Variants in MANF observed in about 807,000 individuals in gnomAD.
The protein encoded by MANF is mesencephalic astrocyte derived neurotrophic factor.
A neutral mutation model predicts 19.1 loss-of-function variants in MANF; 9 were observed. The ratio of observed to expected loss-of-function variants is 0.47; its 90% CI spans 0.28 to 0.82. The LOEUF is 0.82. MANF is among the 40% of genes least tolerant of loss of function. MANF has a pLI of 0.10. For missense variants in MANF, 225 were observed against 226.7 expected (o/e 0.99, Z 0.05); for synonymous variants, 89 against 88.0 (o/e 1.01, Z -0.06).
chr3:51,387,048 T>C (rs1201080025), intron 2 of MANF: 2 of 427,220 alleles, frequency 4.7e-6, no homozygotes, highest in Non-Finnish European at 9.5e-6. Context: ...GTGGGCCAGG[T>C]GCGGTGGCTC....
chr3:51,386,111 C>A, intron 1 of MANF, 97 bp from the exon 2 acceptor site: 1 of 1,309,584 alleles, frequency 7.6e-7, no homozygotes, highest in Non-Finnish European at 1.1e-6. Flanking sequence ...AATGATTCAT[C>A]TCCGTGTCTC....
intron 3 of MANF, 73 bp from the exon 4 acceptor site, chr3:51,388,832 G>A: frequency 8.4e-7 from 1 of 1,189,492 alleles, no homozygotes; most frequent in Non-Finnish European, 1.2e-6. Context: ...TTCAGGGAGT[G>A]ACATACTCTG....
chr3:51,386,308 G>C lies in MANF; in HGVS notation c.195G>C (p.Arg65=). ...AAAACGAACTTATAAAGTTCTGCCG[G>C]GAAGCAAGAGGCAAAGAGAATCGGT... ...TIENELIKFC[R]EARGKENRLC... is the part of the protein sequence containing the mutation. Residue 65 remains arginine, a synonymous_variant, in exon 2 of 4, where the codon CGG becomes CGC. Transcript: ENST00000528157. 1 of 1,613,914 alleles carries C rather than the reference G, an allele frequency of 6.2e-7. No individual in the cohort carries two copies. Among genetic ancestry groups the C allele is most frequent in the Non-Finnish European group, 8.5e-7 (1 of 1,179,852 alleles).
intron 1 of MANF, 155 bp downstream of exon 1, chr3:51,385,591 C>T: frequency 2.5e-6 from 1 of 406,586 alleles, no homozygotes; most frequent in East Asian, 3.7e-5. Context: ...TGAGGAGGCT[C>T]CGGCGCCCGC....
rs1553621164 is a variant in MANF at position 51,388,995 on chromosome 3, A to G, written c.455A>G (p.Lys152Arg). 2 of 1,609,010 alleles carry G rather than the reference A, an allele frequency of 1.2e-6. No individual in the cohort carries two copies. The highest frequency in any genetic ancestry group is 1.3e-5 in the African/African-American group (1 of 74,828). The stretch of plus-strand genomic sequence containing the variant: ...CTGGATGACTGGGGGGAGACATGCA[A>G]AGGCTGTGCAGAAAAGTCTGACTAC... The part of the protein sequence containing the change: ...KILDDWGETC[K>R]GCAEKSDYIR... The change falls in exon 4 of 4, where the codon AAA (lysine) becomes AGA (arginine). Residue 152 changes from lysine (K) to arginine (R), a missense_variant. By Grantham distance (26) the Lys-to-Arg change is conservative. Transcript: ENST00000528157.
rs1160669988 is a variant in MANF at position 51,387,577 on chromosome 3, A to T, written c.223-160A>T. The T allele has an allele frequency of 2.1e-5, 13 of 618,362 alleles. No homozygotes were observed. The Admixed American group carries it at 3.6e-4, about 17-fold the overall frequency. The allele number at this position is 618,362 out of a possible 1,614,324, so 38.3% of individuals were successfully genotyped here. A position where few individuals can be genotyped will look rare whatever the true frequency, so the allele number is the denominator to read the frequency against. On this transcript the variant is annotated intron_variant, in intron 2 of 3. Coordinates refer to ENST00000528157, the MANE Select transcript of MANF (RefSeq NM_006010.6). ...CACCCAACAGATTGAAGCTGCAGGG[A>T]GCCGTGATCATGCCACTGCATTCCA...
rs192358306 is a variant in MANF at position 51,386,246 on chromosome 3, A to G, written c.133A>G (p.Lys45Glu). ...TCTGGGAAGATTTTACCAGGACCTCAAAGACAGAGATGTCACATTCTCACC... is the reference window on the plus strand; with the variant it reads ...TCTGGGAAGATTTTACCAGGACCTCGAAGACAGAGATGTCACATTCTCACC... ...SYLGRFYQDL[K>E]DRDVTFSPAT... Residue 45 changes from lysine to glutamate, a missense_variant, in exon 2 of 4, where the codon AAA (lysine) becomes GAA (glutamate). Transcript: ENST00000528157. The G allele has an allele frequency of 7.3e-5, 118 of 1,613,804 alleles. No homozygotes were observed. Among genetic ancestry groups the G allele is most frequent in the Middle Eastern group, 3.3e-4 (2 of 6,062 alleles).
intron 1 of MANF, 76 bp downstream of exon 1, chr3:51,385,512 C>G (rs927515941): frequency 2.1e-4 from 53 of 254,818 alleles, no homozygotes; most frequent in Non-Finnish European, 2.9e-4. Flanking sequence ...CATCACCAGA[C>G]GGCCGGGGCC....
At chr3:51,387,987 G>A in intron 3 of MANF, 109 bp downstream of exon 3, 1 of 1,104,462 alleles carries the variant, frequency 9.1e-7, no homozygotes, top group South Asian at 1.4e-5. Flanking sequence ...TGTATTGTAT[G>A]ACAGATGGTG....
chr3:51,387,236 C>T (rs2088971469), intron 2 of MANF, among the ~76,000 whole-genome samples: 1 of 152,212 alleles, frequency 6.6e-6, no homozygotes. Context: ...GGGTGGATCA[C>T]CTGAGGTCAG....
intron 2 of MANF, chr3:51,387,067 C>G (rs1285430627): frequency 1.6e-5 from 6 of 386,614 alleles, no homozygotes; most frequent in Non-Finnish European, 3.1e-5. Context: ...TCATGCCTGT[C>G]TTCCTAGCAC....
chr3:51,386,183 C>T (rs781930910), intron 1 of MANF, 25 bp from the exon 2 acceptor site: 2 of 1,611,740 alleles, frequency 1.2e-6, no homozygotes, highest in Admixed American at 3.3e-5. Flanking sequence ...GATTGCTGAG[C>T]ATCTCCCGTC....
chr3:51,387,129 C>T lies in MANF; in HGVS notation c.223-608C>T, dbSNP rs1178552539. The T allele has an allele frequency of 1.5e-5, 5 of 340,396 alleles. No individual in the cohort carries two copies. In the East Asian group the frequency reaches 3.9e-4, roughly 27 times the overall value. The allele number at this position is 340,396 out of a possible 1,614,324, so 21.1% of individuals were successfully genotyped here. A position where few individuals can be genotyped will look rare whatever the true frequency, so the allele number is the denominator to read the frequency against. ...CTTGAACTTAGGAGTTTGAGATCAG[C>T]CTGGGCAAAGTGGTGAAATCCTGTC... is the stretch of plus-strand genomic sequence containing the variant. On this transcript the variant is annotated intron_variant, in intron 2 of 3. Transcript: ENST00000528157.
rs1201027448 is a variant in MANF, at chr3:51,386,441, G to A, written c.222+106G>A. On this transcript the variant is annotated intron_variant, in intron 2 of 3. Transcript: ENST00000528157. ...GCCCACCTCTCTGTTCAGGAAGCCA[G>A]CTACTCTCTCCATAAACTAATGTGA... The A allele has an allele frequency of 4.0e-6, 5 of 1,255,064 alleles. No individual in the cohort carries two copies. The African/African-American group carries it at 7.5e-5, about 19-fold the overall frequency. The allele number at this position is 1,255,064 out of a possible 1,614,324, so 77.7% of individuals were successfully genotyped here. A position where few individuals can be genotyped will look rare whatever the true frequency, so the allele number is the denominator to read the frequency against.
In MANF at chr3:51,387,950, AATG is replaced by A; in HGVS notation, c.364+77_364+79del. On this transcript the variant is annotated intron_variant, in intron 3 of 3. Transcript: ENST00000528157. Reference sequence around the variant, plus strand: ...GTTTGTTTCCCATCTGGGAGAGGAAAATGATGAGCTAGAGTCATGAGTGGGTTG... The same window carrying A: ...GTTTGTTTCCCATCTGGGAGAGGAAAATGAGCTAGAGTCATGAGTGGGTTG... 4 of 1,476,640 alleles carry A rather than the reference AATG, an allele frequency of 2.7e-6. No homozygotes were observed. In the South Asian group the frequency reaches 4.7e-5, roughly 17 times the overall value. 91.5% of individuals were successfully genotyped at this position (1,476,640 alleles called of 1,614,324 possible).
Position 51,385,331 on chromosome 3 carries a change from A to C in MANF, c.-12A>C. 1 of 1,096,524 alleles carries C rather than the reference A, an allele frequency of 9.1e-7. No individual in the cohort carries two copies. The highest frequency in any genetic ancestry group is 1.2e-6 in the Non-Finnish European group (1 of 866,666). 67.9% of individuals were successfully genotyped at this position (1,096,524 alleles called of 1,614,324 possible). A position where few individuals can be genotyped will look rare whatever the true frequency, so the allele number is the denominator to read the frequency against. On this transcript the variant is annotated 5_prime_UTR_variant, in exon 1 of 4. Transcript: ENST00000528157. ...GCAGCGGAGGAGGAGGAGGAGGAGG[A>C]GGATGAGGAGGATGAGGAGGATGTG...
Position 51,386,277 on chromosome 3 carries a change from C to A in MANF, c.164C>A (p.Thr55Asn). 6.2e-7 allele frequency: 1 copy of A among 1,613,894 alleles called. No homozygotes were observed. Among genetic ancestry groups the A allele is most frequent in the South Asian group, 1.1e-5 (1 of 91,078 alleles). Residue 55 changes from threonine to asparagine, a missense_variant, in exon 2 of 4, where the codon ACT (threonine) becomes AAT (asparagine). By Grantham distance (65) the Thr-to-Asn change is moderately conservative (BLOSUM62 0). Coordinates refer to ENST00000528157, the MANE Select transcript of MANF (RefSeq NM_006010.6). ...AGAGATGTCACATTCTCACCAGCCACTATTGAAAACGAACTTATAAAGTTC... is the reference window on the plus strand; with the variant it reads ...AGAGATGTCACATTCTCACCAGCCAATATTGAAAACGAACTTATAAAGTTC... ...KDRDVTFSPA[T>N]IENELIKFCR... is the part of the protein sequence containing the mutation.
rs1228537199 is a variant in MANF at position 51,389,287 on chromosome 3, T to G, written c.*198T>G. The G allele has an allele frequency of 1.8e-5, 9 of 512,244 alleles. No individual in the cohort carries two copies. The highest frequency in any genetic ancestry group is 2.7e-5 in the Non-Finnish European group (8 of 297,442). 31.7% of individuals were successfully genotyped at this position (512,244 alleles called of 1,614,324 possible). ...CCTTCCTTCTGTTGCTGGTGTACTC[T>G]AGGACTTCAAAGTGTGTCTGGGATT... On this transcript the variant is annotated 3_prime_UTR_variant, in exon 4 of 4. Transcript: ENST00000528157.
At position 51,385,389 on chromosome 3, in the gene MANF, T is replaced by C; in HGVS notation, c.47T>C (p.Leu16Pro). 1 of 1,238,334 alleles carries C rather than the reference T, an allele frequency of 8.1e-7. No individual in the cohort carries two copies. Among genetic ancestry groups the C allele is most frequent in the East Asian group, 3.2e-5 (1 of 31,660 alleles). The allele number at this position is 1,238,334 out of a possible 1,614,324, so 76.7% of individuals were successfully genotyped here. ...CAGGGGCTGGCGGTGGCGCTGGCTC[T>C]GAGCGTGCTGCCGGGCAGCCGGGCG... ...ATQGLAVALA[L>P]SVLPGSRALR... Residue 16 changes from leucine to proline, a missense_variant, in exon 1 of 4, where the codon CTG becomes CCG. Physicochemically the swap from Leu to Pro is moderately conservative, Grantham distance 98. Coordinates refer to ENST00000528157, the MANE Select transcript of MANF (RefSeq NM_006010.6).
Sources: gnomAD v4.1 joint callset for allele counts (sites outside exome capture counted in the v4.1 genomes callset) on GRCh38, gnomAD v4.1.1 for gene constraint, MANE v1.5 for transcripts, NCBI Gene and HGNC (gene_info 2026-07-23, HGNC 2026-07-21) for gene names.